ATF6: variants seen among roughly 807,000 people sequenced by gnomAD.
The protein encoded by ATF6 is activating transcription factor 6, also known as cyclic AMP-dependent transcription factor ATF-6 alpha.
ATF6 carries 53 observed loss-of-function variants against 83.6 expected under a neutral mutation model. The observed-to-expected ratio is 0.63, with a 90% CI of 0.51 to 0.80. The LOEUF is 0.80. ATF6 is among the 30% of genes least tolerant of loss of function. The pLI is 0.00. For synonymous variants in ATF6, 288 were observed against 285.8 expected (o/e 1.01, Z -0.08); for missense variants, 744 against 797.9 (o/e 0.93, Z 0.81).
intron 14 of ATF6, among the ~76,000 whole-genome samples, chr1:161,886,435 T>G (rs1490671727): frequency 6.6e-6 from 1 of 152,200 alleles, no homozygotes; most frequent in East Asian, 1.9e-4. Context: ...ATGGGATACA[T>G]TCTAGGAAAT....
At chr1:161,807,878 T>TC (rs1685338637) in intron 7 of ATF6, among the ~76,000 whole-genome samples, 2 of 115,658 alleles carry the variant, frequency 1.7e-5, no homozygotes, top group African/African-American at 3.5e-5. Flanking sequence ...TTTTTTTTTT[T>TC]TTTTTTTTTT....
intron 7 of ATF6, among the ~76,000 whole-genome samples, chr1:161,809,004 T>C (rs756673203): frequency 1.3e-5 from 2 of 152,230 alleles, no homozygotes; most frequent in Non-Finnish European, 1.5e-5. Context: ...TTGGTACTTA[T>C]TTCATTTTGT....
chr1:161,920,294 C>CTTTTTTTTTT (rs71798307), intron 15 of ATF6, among the ~76,000 whole-genome samples: 1,256 of 54,706 alleles, frequency 0.023, 348 homozygotes, highest in African/African-American at 0.076. Context: ...CTCTCTCTCT[C>CTTTTTTTTTT]TTTTTTTTTT....
chr1:161,900,555 G>A (rs1338278217), intron 14 of ATF6, among the ~76,000 whole-genome samples: 1 of 152,066 alleles, frequency 6.6e-6, no homozygotes, highest in Non-Finnish European at 1.5e-5. Flanking sequence ...AAACAGTATG[G>A]TAGGAAGAAT....
At chr1:161,943,965 A>C (rs1434767672) in intron 15 of ATF6, among the ~76,000 whole-genome samples, 1 of 152,048 alleles carries the variant, frequency 6.6e-6, no homozygotes, top group Non-Finnish European at 1.5e-5. Context: ...TCACTTCTCC[A>C]CTCCAGCACC....
At chr1:161,855,411 G>A (rs748247547) in intron 12 of ATF6, among the ~76,000 whole-genome samples, 1 of 152,212 alleles carries the variant, frequency 6.6e-6, no homozygotes, top group Non-Finnish European at 1.5e-5. Flanking sequence ...TACTGGGGAA[G>A]GAGCAGTTAG....
intron 9 of ATF6, among the ~76,000 whole-genome samples, chr1:161,839,591 T>G (rs574749352): frequency 6.6e-6 from 1 of 152,186 alleles, no homozygotes; most frequent in Admixed American, 6.5e-5. Flanking sequence ...CAGGCTGGTC[T>G]CAAACTGCTG....
chr1:161,875,584 G>A (rs1233663673), intron 14 of ATF6, among the ~76,000 whole-genome samples: 1 of 151,730 alleles, frequency 6.6e-6, no homozygotes, highest in Non-Finnish European at 1.5e-5. Flanking sequence ...TTCACTTGAG[G>A]GTTCAAATTT....
chr1:161,860,321 T>A, intron 13 of ATF6, 44 bp downstream of exon 13: 1 of 1,406,980 alleles, frequency 7.1e-7, no homozygotes, highest in Non-Finnish European at 9.5e-7. Flanking sequence ...TTAAAATAGC[T>A]GGTATTTTAA....
intron 15 of ATF6, among the ~76,000 whole-genome samples, chr1:161,935,928 C>G (rs1688526436): frequency 6.6e-6 from 1 of 152,128 alleles, no homozygotes; most frequent in Non-Finnish European, 1.5e-5. Context: ...GTTACTGCTC[C>G]AGAATCTGTG....
intron 7 of ATF6, among the ~76,000 whole-genome samples, chr1:161,807,582 A>G (rs1017561465): frequency 2.6e-5 from 4 of 152,342 alleles, no homozygotes; most frequent in Non-Finnish European, 4.4e-5. Flanking sequence ...TGCTGACTGC[A>G]TTGTGGCTTT....
At chr1:161,809,967 G>A (rs757588221) in intron 7 of ATF6, among the ~76,000 whole-genome samples, 26 of 151,910 alleles carry the variant, frequency 1.7e-4, no homozygotes, top group Non-Finnish European at 3.4e-4. Flanking sequence ...CAAAAATTTT[G>A]TGGGAGAAAT....
intron 14 of ATF6, among the ~76,000 whole-genome samples, chr1:161,865,393 T>C (rs974126808): frequency 2.2e-4 from 33 of 152,208 alleles, no homozygotes; most frequent in African/African-American, 7.5e-4. Context: ...CTCCTGACCT[T>C]GTGATCCACC....
chr1:161,940,559 C>T (rs79799643), intron 15 of ATF6, among the ~76,000 whole-genome samples: 13 of 118,424 alleles, frequency 1.1e-4, no homozygotes, highest in Non-Finnish European at 2.1e-4. Flanking sequence ...TCCTTCAGAT[C>T]TTTTTTTTTT....
At chr1:161,862,177 T>A (rs1296773932) in intron 13 of ATF6, among the ~76,000 whole-genome samples, 1 of 152,274 alleles carries the variant, frequency 6.6e-6, no homozygotes, top group East Asian at 1.9e-4. Context: ...AGAACATAAC[T>A]ATCACAAAAT....
chr1:161,802,066 C>T lies in ATF6; in HGVS notation c.703C>T (p.Leu235=), dbSNP rs1044089909. Residue 235 remains leucine (L), a synonymous_variant, in exon 7 of 16, where the codon CTG becomes TTG. Transcript: ENST00000367942. ...PAPTKGQTVL[L]SQPTVVQLQA... ...TTCTAACGCAGGCCAGACGGTTTTG[C>T]TGTCTCAGCCTACTGTGGTACAACT... 6.2e-6 allele frequency: 10 copies of T among 1,614,064 alleles called. No homozygotes were observed. Among genetic ancestry groups the T allele is most frequent in the Non-Finnish European group, 8.5e-6 (10 of 1,179,966 alleles).
intron 4 of ATF6, among the ~76,000 whole-genome samples, chr1:161,788,221 T>G (rs1181860142): frequency 2.0e-5 from 3 of 152,210 alleles, no homozygotes; most frequent in African/African-American, 4.8e-5. Flanking sequence ...TACTTGGCAT[T>G]GTCTGCCTTT....
At chr1:161,838,050 C>G (rs1686265706) in intron 9 of ATF6, among the ~76,000 whole-genome samples, 1 of 152,140 alleles carries the variant, frequency 6.6e-6, no homozygotes, top group African/African-American at 2.4e-5. Flanking sequence ...AAGGAGTTGG[C>G]ATTTACAGTT....
At chr1:161,831,282 A>C (rs1686054178) in intron 9 of ATF6, among the ~76,000 whole-genome samples, 1 of 152,244 alleles carries the variant, frequency 6.6e-6, no homozygotes, top group South Asian at 2.1e-4. Context: ...AGTCATTACA[A>C]AGTCAGGAAG....
Sources: allele counts gnomAD v4.1 joint callset (sites outside exome capture counted in the v4.1 genomes callset), GRCh38; gene constraint gnomAD v4.1.1; transcripts MANE v1.5; gene names NCBI Gene and HGNC (gene_info 2026-07-23, HGNC 2026-07-21).